Variants in FHDC1 observed in about 807,000 individuals in gnomAD.
FHDC1 encodes FH2 domain containing 1.
In FHDC1, 25 loss-of-function variants were observed where a neutral mutation model predicts 52.6. The ratio of observed to expected loss-of-function variants is 0.48; its 90% CI spans 0.35 to 0.66. The LOEUF (loss-of-function observed/expected upper bound fraction) is 0.66, where lower values mean the gene tolerates loss of function less well. FHDC1 is among the 30% of genes least tolerant of loss of function. The pLI, the probability that FHDC1 is intolerant of heterozygous loss-of-function variation, is 0.01. For missense variants in FHDC1, 1,459 were observed against 1,452.8 expected (o/e 1.00, Z -0.07); for synonymous variants, 616 against 581.5 (o/e 1.06, Z -0.85).
chr4:152,913,161 A>G, the FHDC1 span, among the ~76,000 whole-genome samples: 4 of 152,230 alleles, frequency 2.6e-5, no homozygotes, highest in South Asian at 4.1e-4. Context: ...CAATGTGTCA[A>G]AAGTGTCAAG....
chr4:152,957,627 G>A (rs1740139430), intron 4 of FHDC1, among the ~76,000 whole-genome samples: 1 of 152,204 alleles, frequency 6.6e-6, no homozygotes, highest in African/African-American at 2.4e-5. Context: ...CTATCACAAA[G>A]TACTGGTGTG....
At chr4:152,941,470 T>C (rs941255683) in intron 1 of FHDC1, among the ~76,000 whole-genome samples, 2 of 152,238 alleles carry the variant, frequency 1.3e-5, no homozygotes, top group African/African-American at 4.8e-5. Flanking sequence ...GTAAGGACCA[T>C]ACATGTGTTA....
chr4:152,917,195 T>C, the FHDC1 span: 1 of 152,216 alleles, frequency 6.6e-6, no homozygotes, highest in South Asian at 2.1e-4. Context: ...AGCCTAATAA[T>C]GATGGTTTTT....
chr4:152,976,786 G>A lies in FHDC1; in HGVS notation c.*63G>A, dbSNP rs1249045244. The A allele has an allele frequency of 2.8e-6, 4 of 1,440,814 alleles. No homozygotes were observed. The African/African-American group carries it at 4.3e-5, about 16-fold the overall frequency. 89.3% of individuals were successfully genotyped at this position (1,440,814 alleles called of 1,614,324 possible). On this transcript the variant is annotated 3_prime_UTR_variant, in exon 12 of 12. Coordinates refer to ENST00000511601, the MANE Select transcript of FHDC1 (RefSeq NM_001371116.1). ...GGTGAAGACTGACTTCTGGGACGAG[G>A]ATGGGGAAAGAGGCAGCATGTCTTT...
At chr4:152,932,500 C>T (rs1739270921), upstream of FHDC1, among the ~76,000 whole-genome samples, 1 of 152,106 alleles carries the variant, frequency 6.6e-6, no homozygotes, top group South Asian at 2.1e-4. Context: ...TTATTTTGCA[C>T]TTGCCACTCT....
the FHDC1 span, chr4:152,927,327 C>G: frequency 1.5e-6 from 1 of 675,938 alleles, no homozygotes; most frequent in African/African-American, 1.8e-5. Flanking sequence ...TCAGGGGAAC[C>G]TCCACTCAGA....
In FHDC1 at chr4:152,960,727, A is replaced by G. The variant is rs754796627; in HGVS notation, c.750-17A>G. ...TAATGACATCAAATTCTACAGTTTTACTTTTTTATTTTTCAGCTATTCACT... is the reference window on the plus strand; with the variant it reads ...TAATGACATCAAATTCTACAGTTTTGCTTTTTTATTTTTCAGCTATTCACT... On this transcript the variant is annotated splice_polypyrimidine_tract_variant and intron_variant, in intron 5 of 11. Coordinates refer to ENST00000511601, the MANE Select transcript of FHDC1 (RefSeq NM_001371116.1). 13 of 1,611,616 alleles carry G rather than the reference A, an allele frequency of 8.1e-6. No individual in the cohort carries two copies. Among genetic ancestry groups the G allele is most frequent in the Non-Finnish European group, 1.1e-5 (13 of 1,179,262 alleles).
rs749641563 is a variant in FHDC1 at position 152,975,394 on chromosome 4, C to T, written c.2103C>T (p.Phe701=). 1 of 1,613,694 alleles carries T rather than the reference C, an allele frequency of 6.2e-7. No individual in the cohort carries two copies. Among genetic ancestry groups the T allele is most frequent in the Admixed American group, 1.7e-5 (1 of 60,034 alleles). Residue 701 remains phenylalanine, a synonymous_variant, in exon 12 of 12, where the codon TTC becomes TTT. Transcript: ENST00000511601. ...EETSQLTLSD[F]SPMELESVGH... The stretch of plus-strand genomic sequence containing the variant: ...CCTCCCAGCTGACTCTGAGTGACTT[C>T]AGCCCGATGGAGCTAGAGTCTGTGG...
the FHDC1 span, among the ~76,000 whole-genome samples, chr4:152,921,548 T>C: frequency 1.0e-5 from 1 of 97,712 alleles, no homozygotes; most frequent in South Asian, 4.3e-4. Context: ...ATATTTTCTT[T>C]CCTTCCTTCC....
chr4:152,926,580 A>T, the FHDC1 span, among the ~76,000 whole-genome samples: 18 of 132,228 alleles, frequency 1.4e-4, no homozygotes, highest in Middle Eastern at 3.8e-3. Flanking sequence ...TTGGTTAGTT[A>T]AAAAAAAAAA....
intron 2 of FHDC1, among the ~76,000 whole-genome samples, chr4:152,949,995 G>A (rs920472378): frequency 2.6e-5 from 4 of 152,192 alleles, no homozygotes; most frequent in African/African-American, 9.7e-5. Context: ...GTGACCAGAG[G>A]AGTAATTACC....
intron 4 of FHDC1, among the ~76,000 whole-genome samples, chr4:152,959,438 ATTGT>A (rs1317384097): frequency 1.3e-5 from 2 of 152,200 alleles, no homozygotes; most frequent in Admixed American, 1.3e-4. Flanking sequence ...TGAAGGAATA[ATTGT>A]TTGTGTGTTT....
intron 2 of FHDC1, among the ~76,000 whole-genome samples, chr4:152,948,968 A>G (rs1254080446): frequency 6.6e-6 from 1 of 152,024 alleles, no homozygotes; most frequent in East Asian, 1.9e-4. Flanking sequence ...TCGTGCCTGT[A>G]GTCCCCGTTA....
intron 8 of FHDC1, among the ~76,000 whole-genome samples, chr4:152,964,152 G>A (rs546421038): frequency 5.3e-5 from 8 of 152,294 alleles, no homozygotes; most frequent in African/African-American, 1.9e-4. Flanking sequence ...GTAATTGAGA[G>A]TGCTGAAGGA....
intron 11 of FHDC1, among the ~76,000 whole-genome samples, chr4:152,973,900 G>A (rs904176718): frequency 6.6e-6 from 1 of 152,222 alleles, no homozygotes; most frequent in Non-Finnish European, 1.5e-5. Flanking sequence ...GGGTTCTCTG[G>A]AGCAGGGTGA....
chr4:152,938,829 A>G (rs1356190883), intron 1 of FHDC1, among the ~76,000 whole-genome samples: 3 of 151,158 alleles, frequency 2.0e-5, no homozygotes, highest in Non-Finnish European at 3.0e-5. Flanking sequence ...TGAGCACCAG[A>G]ACCACTGGTG....
At chr4:152,963,593 A>G (rs1026342310) in intron 8 of FHDC1, among the ~76,000 whole-genome samples, 24 of 152,126 alleles carry the variant, frequency 1.6e-4, no homozygotes, top group African/African-American at 5.5e-4. Context: ...GGGGGAGGGT[A>G]ATGGTCATAG....
At position 152,976,703 on chromosome 4, in the gene FHDC1, C is replaced by G; in HGVS notation, c.3412C>G (p.Leu1138Val). 6.7e-7 allele frequency: 1 copy of G among 1,493,240 alleles called. No homozygotes were observed. The highest frequency in any genetic ancestry group is 1.3e-5 in the South Asian group (1 of 74,896). 92.5% of individuals were successfully genotyped at this position (1,493,240 alleles called of 1,614,324 possible). ...DSSRTTLGRI[L>V]NPLRK ...CAGTCGGACCACGCTGGGGAGAATCCTCAATCCCTTACGGAAGTGATGGGT... is the reference window on the plus strand; with the variant it reads ...CAGTCGGACCACGCTGGGGAGAATCGTCAATCCCTTACGGAAGTGATGGGT... Residue 1138 changes from leucine (L) to valine (V), a missense_variant, in exon 12 of 12, where the codon CTC becomes GTC. By Grantham distance (32) the Leu-to-Val change is conservative. Transcript: ENST00000511601.
intron 4 of FHDC1, among the ~76,000 whole-genome samples, chr4:152,960,172 C>G (rs1275648638): frequency 6.6e-6 from 1 of 152,126 alleles, no homozygotes; most frequent in Admixed American, 6.5e-5. Flanking sequence ...TATAATGACT[C>G]TACAGTCTTT....
Sources: allele counts gnomAD v4.1 joint callset (sites outside exome capture counted in the v4.1 genomes callset), GRCh38; gene constraint gnomAD v4.1.1; transcripts MANE v1.5; gene names NCBI Gene and HGNC (gene_info 2026-07-23, HGNC 2026-07-21).